The following CD247 variants were observed in gnomAD, a reference collection of about 807,000 sequenced individuals.
CD247 encodes the protein T-cell surface glycoprotein CD3 zeta chain.
CD247 carries 13 observed loss-of-function variants against 30.0 expected under a neutral mutation model. The observed-to-expected ratio is 0.43, with a 90% confidence interval of 0.28 to 0.69. The LOEUF is 0.69. Among genes scored for constraint, CD247 ranks in the 30% least tolerant of loss-of-function variants. The pLI is 0.16. For synonymous variants in CD247, 72 were observed against 80.0 expected, an observed-to-expected ratio of 0.90 and a Z score of 0.53; for missense variants, 193 against 212.6, an observed-to-expected ratio of 0.91 and a Z score of 0.57.
At chr1:167,477,665 AACT>A (rs1653806873) in intron 1 of CD247, among the ~76,000 whole-genome samples, 1 of 152,056 alleles carries the variant, frequency 6.6e-6, no homozygotes, top group African/African-American at 2.4e-5. Context: ...GAGTAGCTAG[AACT>A]ACAGGTGTGC....
intron 1 of CD247, among the ~76,000 whole-genome samples, chr1:167,459,083 C>T (rs1217430028): frequency 6.6e-6 from 1 of 150,394 alleles, no homozygotes; most frequent in East Asian, 2.0e-4. Context: ...TGCGGTGAGC[C>T]GAGATCAAGC....
intron 1 of CD247, among the ~76,000 whole-genome samples, chr1:167,466,692 A>C (rs1653263634): frequency 6.6e-6 from 1 of 152,186 alleles, no homozygotes; most frequent in African/African-American, 2.4e-5. Context: ...CCATGCAGCA[A>C]TTTCAGTTTT....
rs545596868 is a variant in CD247, at chr1:167,440,531, G to T, written c.162+133C>A. On this transcript the variant is annotated intron_variant, in intron 2 of 7. Coordinates refer to ENST00000362089, the MANE Select transcript of CD247 (RefSeq NM_198053.3). ...GCCCACTCAAGGCACACACTTGGCT[G>T]GTCCTTGCTTTGCTCCTGGATACCA... The T allele has an allele frequency of 2.4e-5, 17 of 700,966 alleles. No homozygotes were observed. The South Asian group carries it at 2.4e-4, about 10-fold the overall frequency. The allele number at this position is 700,966 out of a possible 1,614,324, so 43.4% of individuals were successfully genotyped here. A position where few individuals can be genotyped will look rare whatever the true frequency, so the allele number is the denominator to read the frequency against.
chr1:167,431,535 A>C lies in CD247; in HGVS notation c.*146T>G, dbSNP rs184728682. On this transcript the variant is annotated 3_prime_UTR_variant, in exon 8 of 8. Coordinates refer to ENST00000362089, the MANE Select transcript of CD247 (RefSeq NM_198053.3). ...CAACAGTCTGTGTGTGAAGGTTTGG[A>C]GCTAAATATAACCAAAGCATCCTGT... 1 of 779,666 alleles carries C rather than the reference A, an allele frequency of 1.3e-6. No individual in the cohort carries two copies. The highest frequency in any genetic ancestry group is 2.3e-6 in the Non-Finnish European group (1 of 430,060). The allele number at this position is 779,666 out of a possible 1,614,324, so 48.3% of individuals were successfully genotyped here. A position where few individuals can be genotyped will look rare whatever the true frequency, so the allele number is the denominator to read the frequency against.
At position 167,449,780 on chromosome 1, in the gene CD247, G is replaced by A. The variant is rs12022044; in HGVS notation, c.59-9013C>T. On this transcript the variant is annotated intron_variant, in intron 1 of 7. Transcript: ENST00000362089. ...TCTACTAAAAGTATGAAAATTAGCC[G>A]GGCATGGTGGCACGTGCCTATAATC... 0.01 allele frequency among the ~76,000 whole-genome samples: 1,529 copies of A among 152,082 alleles called. 71 individuals carry two copies. In the East Asian group the frequency reaches 0.13, roughly 13 times the overall value.
chr1:167,465,453 C>T (rs905045122), intron 1 of CD247, among the ~76,000 whole-genome samples: 4 of 151,800 alleles, frequency 2.6e-5, no homozygotes, highest in South Asian at 4.2e-4. Context: ...CTCAGCCTCC[C>T]GAGTAGCTGG....
chr1:167,444,717 G>A (rs1397623506), intron 1 of CD247, among the ~76,000 whole-genome samples: 2 of 152,186 alleles, frequency 1.3e-5, no homozygotes, highest in Non-Finnish European at 1.5e-5. Flanking sequence ...TGAGAGGGAA[G>A]CCCTGCCTTC....
intron 1 of CD247, among the ~76,000 whole-genome samples, chr1:167,486,838 C>T (rs886928313): frequency 6.6e-5 from 10 of 152,194 alleles, no homozygotes; most frequent in Non-Finnish European, 1.5e-4. Flanking sequence ...CTTTGGAAGA[C>T]CGAGGTGGGT....
intron 1 of CD247, among the ~76,000 whole-genome samples, chr1:167,484,058 C>T (rs1247356211): frequency 1.3e-5 from 2 of 152,338 alleles, no homozygotes; most frequent in African/African-American, 4.8e-5. Flanking sequence ...GAATGGTGGG[C>T]CAGGCCGGGG....
At chr1:167,442,377 C>T (rs1368909500) in intron 1 of CD247, among the ~76,000 whole-genome samples, 1 of 152,128 alleles carries the variant, frequency 6.6e-6, no homozygotes, top group Non-Finnish European at 1.5e-5. Flanking sequence ...GGAGTGGAGG[C>T]CATATGTGGG....
chr1:167,460,781 G>A (rs1049583346), intron 1 of CD247, among the ~76,000 whole-genome samples: 3 of 151,920 alleles, frequency 2.0e-5, no homozygotes, highest in South Asian at 2.1e-4. Context: ...GATGTTCCCC[G>A]CCCTGTGTCC....
At chr1:167,513,229 GA>G (rs1200663679) in intron 1 of CD247, among the ~76,000 whole-genome samples, 5 of 151,776 alleles carry the variant, frequency 3.3e-5, no homozygotes, top group South Asian at 2.1e-4. Context: ...AAAATATTAA[GA>G]AAAAAAGCAC....
rs533572002 is a variant in CD247, at chr1:167,431,385, C to T, written c.*296G>A. On this transcript the variant is annotated 3_prime_UTR_variant, in exon 8 of 8. Transcript: ENST00000362089. ...AACAACTCAGCTGTGAGAGGCAGTG[C>T]GCCCGCCTCCCAGGGAGAACGAGGA... is the stretch of plus-strand genomic sequence containing the variant. The T allele has an allele frequency of 1.7e-4, 101 of 599,866 alleles. No homozygotes were observed. Among genetic ancestry groups the T allele is most frequent in the African/African-American group, 1.6e-3 (89 of 53,972 alleles). 37.2% of individuals were successfully genotyped at this position (599,866 alleles called of 1,614,324 possible).
intron 1 of CD247, among the ~76,000 whole-genome samples, chr1:167,488,102 A>G (rs1654291723): frequency 6.6e-6 from 1 of 152,196 alleles, no homozygotes; most frequent in Non-Finnish European, 1.5e-5. Flanking sequence ...TTCTCCAGCT[A>G]TCACATGGAA....
intron 5 of CD247, chr1:167,434,682 C>A (rs1458659539): frequency 2.4e-6 from 1 of 420,934 alleles, no homozygotes; most frequent in Non-Finnish European, 4.8e-6. Flanking sequence ...CCTTGCCTAG[C>A]TTGACCTTGC....
chr1:167,507,708 C>T lies in CD247; in HGVS notation c.58+10700G>A, dbSNP rs148651933. On this transcript the variant is annotated intron_variant, in intron 1 of 7. Transcript: ENST00000362089. ...AAAATTAGTCAGGCATGATGGTGCA[C>T]CCCTATGGTTCCAATGGCTCAGGAG... Among the ~76,000 whole-genome samples, 269 of 152,068 alleles carry T rather than the reference C, an allele frequency of 1.8e-3. 1 individual carries two copies. Among genetic ancestry groups the T allele is most frequent in the African/African-American group, 6.3e-3 (262 of 41,478 alleles).
chr1:167,436,869 C>T (rs994682287), intron 4 of CD247, among the ~76,000 whole-genome samples: 1 of 152,102 alleles, frequency 6.6e-6, no homozygotes, highest in Non-Finnish European at 1.5e-5. Context: ...CCCTTGAACA[C>T]TCTTGGTGGG....
intron 1 of CD247, among the ~76,000 whole-genome samples, chr1:167,475,328 G>C (rs1040283092): frequency 6.6e-6 from 1 of 151,588 alleles, no homozygotes; most frequent in African/African-American, 2.4e-5. Flanking sequence ...CCTCTCCCCT[G>C]GATTATTTTG....
chr1:167,458,669 T>TTTTCTTTCTTTC (rs201538103), intron 1 of CD247: 3 of 126,914 alleles, frequency 2.4e-5, no homozygotes, highest in African/African-American at 9.5e-5. Context: ...GCATCTGTTT[T>TTTTCTTTCTTTC]TTTCTTTCTT....
Sources: gnomAD v4.1 joint callset for allele counts (sites outside exome capture counted in the v4.1 genomes callset) on GRCh38, gnomAD v4.1.1 for gene constraint, MANE v1.5 for transcripts, NCBI Gene and HGNC (gene_info 2026-07-23, HGNC 2026-07-21) for gene names.